The following TGFBRAP1 variants were observed in gnomAD, a reference collection of about 807,000 sequenced individuals.
TGFBRAP1 encodes the protein transforming growth factor-beta receptor-associated protein 1.
TGFBRAP1 carries 20 observed loss-of-function variants against 83.2 expected under a neutral mutation model. The observed-to-expected ratio is 0.24, with a 90% CI of 0.17 to 0.35. The LOEUF is 0.35. Ranked by LOEUF, TGFBRAP1 falls within the 10% of genes least tolerant of loss-of-function variation. The pLI is 1.00. For missense variants in TGFBRAP1, 950 were observed against 1,099.4 expected, an observed-to-expected ratio of 0.86 and a Z score of 1.92; for synonymous variants, 415 against 459.8, an observed-to-expected ratio of 0.90 and a Z score of 1.25.
Position 105,278,870 on chromosome 2 carries a change from T to C in TGFBRAP1, c.1464-1199A>G, listed in dbSNP as rs561310356. ...TACCATAAGGTGGCAGTGTGTTTTC[T>C]GGCTCCTGAAAAAACTAACACTGAT... On this transcript the variant is annotated intron_variant, in intron 6 of 11. Coordinates refer to ENST00000393359, the MANE Select transcript of TGFBRAP1 (RefSeq NM_004257.6). Among the ~76,000 whole-genome samples the C allele has an allele frequency of 2.0e-5, 3 of 152,222 alleles. No homozygotes were observed. In the South Asian group the frequency reaches 6.2e-4, roughly 32 times the overall value.
the TGFBRAP1 span, among the ~76,000 whole-genome samples, chr2:105,256,699 C>T: frequency 2.6e-5 from 4 of 152,128 alleles, no homozygotes; most frequent in African/African-American, 4.8e-5. Flanking sequence ...GTGTCAGAGG[C>T]GTCTGAACCA....
intron 5 of TGFBRAP1, among the ~76,000 whole-genome samples, chr2:105,282,907 A>G (rs902147407): frequency 1.3e-5 from 2 of 152,146 alleles, no homozygotes; most frequent in East Asian, 3.8e-4. Context: ...TTAAGCCATT[A>G]AGAGAGTGAG....
At chr2:105,289,244 C>A (rs1677822754) in intron 4 of TGFBRAP1, among the ~76,000 whole-genome samples, 1 of 151,646 alleles carries the variant, frequency 6.6e-6, no homozygotes, top group African/African-American at 2.4e-5. Context: ...AGGATATACA[C>A]AAAAAATTGC....
intron 1 of TGFBRAP1, among the ~76,000 whole-genome samples, chr2:105,326,320 G>A (rs189376074): frequency 1.3e-5 from 2 of 152,232 alleles, no homozygotes; most frequent in Admixed American, 6.5e-5. Flanking sequence ...GAATTAAAAG[G>A]GTTTAGGAAG....
intron 4 of TGFBRAP1, among the ~76,000 whole-genome samples, chr2:105,284,650 G>A (rs3828300): frequency 0.2 from 29,872 of 151,988 alleles, 3,071 homozygotes; most frequent in Middle Eastern, 0.24. Flanking sequence ...GGGCTTCAAC[G>A]AGTCCCTGTA....
At chr2:105,313,952 T>A (rs1347499554) in intron 1 of TGFBRAP1, among the ~76,000 whole-genome samples, 1 of 152,132 alleles carries the variant, frequency 6.6e-6, no homozygotes, top group Non-Finnish European at 1.5e-5. Context: ...TCTCCCCCAA[T>A]CATGCTGAAG....
chr2:105,303,541 C>G (rs1272355915), intron 2 of TGFBRAP1, among the ~76,000 whole-genome samples: 1 of 152,168 alleles, frequency 6.6e-6, no homozygotes, highest in Non-Finnish European at 1.5e-5. Flanking sequence ...ATGGATGAAA[C>G]CAAGCACATC....
chr2:105,322,949 G>A (rs1191428473), intron 1 of TGFBRAP1, among the ~76,000 whole-genome samples: 5 of 152,128 alleles, frequency 3.3e-5, no homozygotes, highest in East Asian at 1.9e-4. Context: ...CACTTCAGCC[G>A]TTCACAGCTC....
chr2:105,320,390 G>A (rs1285028872), intron 1 of TGFBRAP1, among the ~76,000 whole-genome samples: 1 of 151,958 alleles, frequency 6.6e-6, no homozygotes, highest in Non-Finnish European at 1.5e-5. Context: ...TCATTTTACA[G>A]CAAGAAGTTT....
At position 105,275,657 on chromosome 2, in the gene TGFBRAP1, G is replaced by C; in HGVS notation, c.1568C>G (p.Ser523Ter). ...ATCCACGATGTATTCATACAGGTCT[G>C]AGCGTGTGGAGTCCTGGACATCGCC... is the stretch of plus-strand genomic sequence containing the variant. The part of the protein sequence containing the change: ...VNGDVQDSTR[S>*]DLYEYIVDFL... Residue 523 changes from serine (S) to a stop codon, truncating the protein, a stop_gained, in exon 8 of 12, where the codon TCA becomes TGA. Coordinates refer to ENST00000393359, the MANE Select transcript of TGFBRAP1 (RefSeq NM_004257.6). LOFTEE classifies it high-confidence loss of function. The C allele has an allele frequency of 6.2e-7, 1 of 1,614,128 alleles. No individual in the cohort carries two copies. The highest frequency in any genetic ancestry group is 8.5e-7 in the Non-Finnish European group (1 of 1,180,034).
chr2:105,269,459 A>C lies in TGFBRAP1; in HGVS notation c.2219T>G (p.Leu740Arg). The C allele has an allele frequency of 6.2e-7, 1 of 1,613,530 alleles. No homozygotes were observed. Among genetic ancestry groups the C allele is most frequent in the South Asian group, 1.1e-5 (1 of 91,050 alleles). Residue 740 changes from leucine to arginine, a missense_variant, in exon 11 of 12, where the codon CTG (leucine) becomes CGG (arginine). Coordinates refer to ENST00000393359, the MANE Select transcript of TGFBRAP1 (RefSeq NM_004257.6). This position sits in a 1 kb window ranked among gnomAD's most constrained non-coding sequence, Gnocchi z 4.1. ...AAATTCGGTGGCGTGGCGGTTCAGC[A>C]GGTCCACGGCAGCCACGGCCAGCTC... The part of the protein sequence containing the change: ...AHELAVAAVD[L>R]LNRHATEFDA...
chr2:105,319,888 G>A, intron 1 of TGFBRAP1, among the ~76,000 whole-genome samples: 1 of 149,972 alleles, frequency 6.7e-6, no homozygotes, highest in East Asian at 1.9e-4. Flanking sequence ...GTTATATATT[G>A]AAATATATAT....
At chr2:105,320,438 G>C (rs1261037039) in intron 1 of TGFBRAP1, among the ~76,000 whole-genome samples, 2 of 151,290 alleles carry the variant, frequency 1.3e-5, no homozygotes, top group African/African-American at 4.9e-5. Context: ...AAAATGAATA[G>C]AGATCAAGTG....
rs777039958 is a variant in TGFBRAP1 at position 105,267,402 on chromosome 2, C to A, written c.2564G>T (p.Ser855Ile). The change falls in exon 12 of 12, where the codon AGT (serine) becomes ATT (isoleucine). Residue 855 changes from serine to isoleucine, a missense_variant. Ser to Ile is a moderately radical substitution (Grantham distance 142, BLOSUM62 -2). Transcript: ENST00000393359. ...AGCTTTTCAAGTCCGAGTGCCAGGA[C>A]TGGATGAGCTGGGGTTTGTGTGTCT... ...ASRHTNPSSSSPGTRT is the reference protein window; with the variant it reads ...ASRHTNPSSSIPGTRT 1 of 1,614,046 alleles carries A rather than the reference C, an allele frequency of 6.2e-7. No homozygotes were observed. The highest frequency in any genetic ancestry group is 1.3e-5 in the African/African-American group (1 of 74,892).
At chr2:105,300,844 T>G (rs879418251) in intron 2 of TGFBRAP1, among the ~76,000 whole-genome samples, 1 of 152,192 alleles carries the variant, frequency 6.6e-6, no homozygotes, top group Non-Finnish European at 1.5e-5. Flanking sequence ...ATTAGGAAAT[T>G]TAGTGTACAT....
At chr2:105,317,129 C>T (rs1678910106) in intron 1 of TGFBRAP1, among the ~76,000 whole-genome samples, 1 of 149,992 alleles carries the variant, frequency 6.7e-6, no homozygotes, top group African/African-American at 2.5e-5. Context: ...TACTAGATGT[C>T]CATAGAAAAT....
the TGFBRAP1 span, among the ~76,000 whole-genome samples, chr2:105,252,137 A>T: frequency 2.6e-5 from 4 of 151,648 alleles, no homozygotes; most frequent in African/African-American, 9.7e-5. Context: ...AATGATCAAT[A>T]AAAAAAATAA....
In TGFBRAP1 at chr2:105,267,092, G is replaced by A; in HGVS notation, c.*291C>T. 1 of 228,888 alleles carries A rather than the reference G, an allele frequency of 4.4e-6. No homozygotes were observed. The highest frequency in any genetic ancestry group is 8.5e-6 in the Non-Finnish European group (1 of 118,040). 14.2% of individuals were successfully genotyped at this position (228,888 alleles called of 1,614,324 possible). On this transcript the variant is annotated 3_prime_UTR_variant, in exon 12 of 12. Coordinates refer to ENST00000393359, the MANE Select transcript of TGFBRAP1 (RefSeq NM_004257.6). Reference sequence around the variant, plus strand: ...CTCCCTTTTTTTTTTTTTCAAAGTAGACCTCTGTCTTGGATTACTATGTAC... The same window carrying A: ...CTCCCTTTTTTTTTTTTTCAAAGTAAACCTCTGTCTTGGATTACTATGTAC...
chr2:105,272,773 G>A (rs1677201946), intron 10 of TGFBRAP1, 82 bp downstream of exon 10: 5 of 1,553,258 alleles, frequency 3.2e-6, no homozygotes, highest in East Asian at 4.5e-5. Flanking sequence ...CAGCAGCTGT[G>A]CCAAAGCCCT....
Sources: gnomAD v4.1 joint callset for allele counts (sites outside exome capture counted in the v4.1 genomes callset) on GRCh38, gnomAD v4.1.1 for gene constraint, Gnocchi (gnomAD v3.1) non-coding constraint, MANE v1.5 for transcripts, NCBI Gene and HGNC (gene_info 2026-07-23, HGNC 2026-07-21) for gene names.